Variants in VAPA observed in about 807,000 individuals in gnomAD.
VAPA encodes vesicle-associated membrane protein-associated protein A.
In VAPA, 6 loss-of-function variants were observed where a neutral mutation model predicts 25.6. That is an observed-to-expected ratio of 0.23 (90% confidence interval 0.13 to 0.46). The LOEUF (loss-of-function observed/expected upper bound fraction) is 0.46, where lower values mean the gene tolerates loss of function less well. VAPA is among the 20% of genes least tolerant of loss of function. The pLI is 0.99. For missense variants in VAPA, 244 were observed against 302.1 expected, an observed-to-expected ratio of 0.81 and a Z score of 1.43; for synonymous variants, 112 against 106.2, an observed-to-expected ratio of 1.05 and a Z score of -0.34.
intron 4 of VAPA, among the ~76,000 whole-genome samples, chr18:9,941,791 T>C (rs1222431665): frequency 6.6e-6 from 1 of 152,244 alleles, no homozygotes; most frequent in African/African-American, 2.4e-5. Flanking sequence ...TGCTGTATGA[T>C]GCTGAATCCT....
chr18:9,936,759 T>G (rs1477827751), intron 3 of VAPA: 1 of 447,784 alleles, frequency 2.2e-6, no homozygotes, highest in African/African-American at 2.0e-5. Flanking sequence ...GTCCTATGGT[T>G]GCTAGTAATA....
At chr18:9,923,283 GTTAAAAA>G in intron 1 of VAPA, among the ~76,000 whole-genome samples, 4 of 147,456 alleles carry the variant, frequency 2.7e-5, no homozygotes, top group African/African-American at 1.0e-4. Context: ...TTGAATTACC[GTTAAAAA>G]GTAGGGATGT....
intron 1 of VAPA, among the ~76,000 whole-genome samples, chr18:9,917,981 T>C (rs2069126168): frequency 6.6e-6 from 1 of 151,874 alleles, no homozygotes; most frequent in Non-Finnish European, 1.5e-5. Context: ...TAACTCTCAA[T>C]TGCTCACAGA....
rs542602109 is a variant in VAPA, at chr18:9,958,398, A to G, written c.*4187A>G. On this transcript the variant is annotated 3_prime_UTR_variant, in exon 6 of 6. Transcript: ENST00000400000. ...TTTAAAACTCAGTTTCTTGTTTTCC[A>G]GTTGTTGCTATGTATAACACCCATC... is the stretch of plus-strand genomic sequence containing the variant. 1 of 152,316 alleles carries G rather than the reference A, an allele frequency of 6.6e-6. No homozygotes were observed. Among genetic ancestry groups the G allele is most frequent in the Admixed American group, 6.5e-5 (1 of 15,308 alleles). 9.4% of individuals were successfully genotyped at this position (152,316 alleles called of 1,614,324 possible). A position where few individuals can be genotyped will look rare whatever the true frequency, so the allele number is the denominator to read the frequency against.
intron 1 of VAPA, among the ~76,000 whole-genome samples, chr18:9,927,871 G>A (rs576666230): frequency 1.4e-4 from 21 of 152,158 alleles, no homozygotes; most frequent in Non-Finnish European, 1.3e-4. Flanking sequence ...TAGAGGAGTT[G>A]GGACAGAATA....
chr18:9,918,422 G>A (rs1396259571), intron 1 of VAPA, among the ~76,000 whole-genome samples: 1 of 151,702 alleles, frequency 6.6e-6, no homozygotes. Context: ...CTTAGTCCAC[G>A]GTACTTTTAT....
chr18:9,916,709 T>A (rs1196009048), intron 1 of VAPA, among the ~76,000 whole-genome samples: 1 of 152,222 alleles, frequency 6.6e-6, no homozygotes, highest in Non-Finnish European at 1.5e-5. Flanking sequence ...GAATGTACAG[T>A]CTACTTGGGC....
At chr18:9,950,356 T>G in intron 4 of VAPA, 39 bp from the exon 5 acceptor site, 1 of 1,591,578 alleles carries the variant, frequency 6.3e-7, no homozygotes, top group Non-Finnish European at 8.5e-7. Flanking sequence ...GTAAGGAGAT[T>G]TGGTTAGTTA....
intron 2 of VAPA, among the ~76,000 whole-genome samples, chr18:9,932,761 A>G (rs1312668102): frequency 1.3e-5 from 2 of 152,188 alleles, no homozygotes; most frequent in African/African-American, 2.4e-5. Context: ...GGGAGCAGGA[A>G]CACACATGGA....
Position 9,959,220 on chromosome 18 carries a change from T to TGAC in VAPA, c.*5010_*5012dup, listed in dbSNP as rs2069581354. On this transcript the variant is annotated 3_prime_UTR_variant, in exon 6 of 6. Coordinates refer to ENST00000400000, the MANE Select transcript of VAPA (RefSeq NM_194434.3). ...TTGTGTCCTGGTCCAAGTCAAATAT[T>TGAC]GACTCCTCACAAACAGTAAGTATGG... is the stretch of plus-strand genomic sequence containing the variant. 6.6e-6 allele frequency: 1 copy of TGAC among 152,222 alleles called. No individual in the cohort carries two copies. The highest frequency in any genetic ancestry group is 1.5e-5 in the Non-Finnish European group (1 of 68,036). 9.4% of individuals were successfully genotyped at this position (152,222 alleles called of 1,614,324 possible). A position where few individuals can be genotyped will look rare whatever the true frequency, so the allele number is the denominator to read the frequency against.
intron 1 of VAPA, among the ~76,000 whole-genome samples, chr18:9,930,640 C>G (rs529440352): frequency 1.3e-5 from 2 of 151,638 alleles, no homozygotes; most frequent in East Asian, 3.9e-4. Context: ...ATTAGTTTGA[C>G]CATATAATGA....
intron 4 of VAPA, among the ~76,000 whole-genome samples, chr18:9,938,943 A>G (rs1348697516): frequency 6.6e-6 from 1 of 152,172 alleles, no homozygotes; most frequent in East Asian, 1.9e-4. Flanking sequence ...GGCAAATCCC[A>G]GACTTGGTAT....
chr18:9,936,547 AAAAC>A (rs372021502), intron 3 of VAPA: 2,726 of 203,254 alleles, frequency 0.013, 67 homozygotes, highest in African/African-American at 0.049. Context: ...TGTCTCTACA[AAAAC>A]AAACAAACAA....
intron 1 of VAPA, among the ~76,000 whole-genome samples, chr18:9,925,591 C>T (rs963971167): frequency 5.3e-5 from 8 of 151,416 alleles, no homozygotes; most frequent in African/African-American, 1.2e-4. Context: ...CAGCAGCTAA[C>T]GAAACAAAGA....
At chr18:9,924,960 AAAG>A (rs2069188092) in intron 1 of VAPA, 2 of 152,140 alleles carry the variant, frequency 1.3e-5, no homozygotes, top group Non-Finnish European at 2.9e-5. Context: ...AAGGCTGCCA[AAAG>A]AATGGAAAGA....
intron 2 of VAPA, among the ~76,000 whole-genome samples, chr18:9,932,295 C>A (rs2069263503): frequency 6.6e-6 from 1 of 152,204 alleles, no homozygotes; most frequent in African/African-American, 2.4e-5. Flanking sequence ...TCCTTCAGAT[C>A]ATGATCATAT....
In VAPA at chr18:9,955,261, C is replaced by G. The variant is rs564151100; in HGVS notation, c.*1050C>G. 1 of 152,076 alleles carries G rather than the reference C, an allele frequency of 6.6e-6. No individual in the cohort carries two copies. The highest frequency in any genetic ancestry group is 2.4e-5 in the African/African-American group (1 of 41,506). The allele number at this position is 152,076 out of a possible 1,614,324, so 9.4% of individuals were successfully genotyped here. Reference sequence around the variant, plus strand: ...AATAGTTAAAAGTAGGTGTTTTTTTCGTGCTCAATTTGGCACTCAAAATAA... The same window carrying G: ...AATAGTTAAAAGTAGGTGTTTTTTTGGTGCTCAATTTGGCACTCAAAATAA... On this transcript the variant is annotated 3_prime_UTR_variant, in exon 6 of 6. Coordinates refer to ENST00000400000, the MANE Select transcript of VAPA (RefSeq NM_194434.3).
intron 2 of VAPA, 30 bp downstream of exon 2, chr18:9,931,992 A>G (rs973563463): frequency 1.3e-6 from 2 of 1,493,698 alleles, no homozygotes; most frequent in Non-Finnish European, 9.1e-7. Context: ...ATTTATGTAC[A>G]TTTGAATTTT....
intron 2 of VAPA, 100 bp from the exon 3 acceptor site, chr18:9,936,010 G>T: frequency 1.3e-6 from 1 of 793,834 alleles, no homozygotes; most frequent in Non-Finnish European, 1.8e-6. Context: ...ACGGTTTAAG[G>T]CAAATCCCAG....
Sources: gnomAD v4.1 joint callset for allele counts (sites outside exome capture counted in the v4.1 genomes callset) on GRCh38, gnomAD v4.1.1 for gene constraint, MANE v1.5 for transcripts, NCBI Gene and HGNC (gene_info 2026-07-23, HGNC 2026-07-21) for gene names.